STK33: variants seen among roughly 807,000 people sequenced by gnomAD.
STK33 encodes the protein serine/threonine kinase 33, also known as serine/threonine-protein kinase 33.
In STK33, 52 loss-of-function variants were observed where a neutral mutation model predicts 58.0. That is an observed-to-expected ratio of 0.90 (90% CI 0.72 to 1.13). The LOEUF (loss-of-function observed/expected upper bound fraction) is 1.13. STK33 is among the 50% of genes most tolerant of loss of function. The pLI, the probability that STK33 is intolerant of heterozygous loss-of-function variation, is 0.00. For missense variants in STK33, 630 were observed against 604.2 expected (o/e 1.04, Z -0.45); for synonymous variants, 215 against 200.1 (o/e 1.07, Z -0.63).
At chr11:8,401,993 T>G (rs1320068408) in intron 15 of STK33, among the ~76,000 whole-genome samples, 1 of 152,090 alleles carries the variant, frequency 6.6e-6, no homozygotes, top group Non-Finnish European at 1.5e-5. Flanking sequence ...TGTGGAGAAA[T>G]AGGAACACTT....
intron 8 of STK33, among the ~76,000 whole-genome samples, chr11:8,461,276 C>A (rs1947491746): frequency 1.3e-5 from 2 of 152,144 alleles, no homozygotes; most frequent in Admixed American, 1.3e-4. Flanking sequence ...GGCAAATAAT[C>A]CAGGCTTCTG....
intron 11 of STK33, among the ~76,000 whole-genome samples, chr11:8,444,462 G>A (rs1040281681): frequency 2.0e-5 from 3 of 152,012 alleles, no homozygotes; most frequent in Non-Finnish European, 4.4e-5. Context: ...TTTGTTCACT[G>A]TTGTATTTTT....
At chr11:8,565,769 C>G (rs372015897) in intron 1 of STK33, 16 of 152,324 alleles carry the variant, frequency 1.1e-4, no homozygotes, top group African/African-American at 3.6e-4. Flanking sequence ...TTAGATGCAC[C>G]TTGCTTACCT....
the STK33 span, among the ~76,000 whole-genome samples, chr11:8,373,352 G>A: frequency 6.6e-6 from 1 of 152,172 alleles, no homozygotes; most frequent in African/African-American, 2.4e-5. Context: ...TGCTGGGGGT[G>A]TGGAGCCCTC....
chr11:8,350,274 G>C, the STK33 span, among the ~76,000 whole-genome samples: 1 of 152,224 alleles, frequency 6.6e-6, no homozygotes, highest in African/African-American at 2.4e-5. Context: ...CAGACTCCCA[G>C]AGCAGGAGGC....
chr11:8,337,641 G>T, the STK33 span, among the ~76,000 whole-genome samples: 1 of 137,878 alleles, frequency 7.3e-6, no homozygotes, highest in African/African-American at 2.8e-5. Flanking sequence ...ACGACGGCGG[G>T]GGGCGGGGGG....
chr11:8,349,695 C>T, the STK33 span, among the ~76,000 whole-genome samples: 2 of 152,332 alleles, frequency 1.3e-5, no homozygotes, highest in Admixed American at 6.5e-5. Context: ...AGCTCCCTTG[C>T]CCCCAGTCGG....
At chr11:8,447,140 C>T (rs941993443) in intron 11 of STK33, among the ~76,000 whole-genome samples, 3 of 151,650 alleles carry the variant, frequency 2.0e-5, no homozygotes, top group East Asian at 1.9e-4. Flanking sequence ...CCCATCAAAA[C>T]GTGGGCAAAG....
intron 1 of STK33, among the ~76,000 whole-genome samples, chr11:8,555,574 A>G (rs1433843664): frequency 3.3e-5 from 5 of 152,096 alleles, no homozygotes; most frequent in Non-Finnish European, 7.4e-5. Flanking sequence ...CTGAGGTGAG[A>G]GAATCACTTG....
intron 1 of STK33, among the ~76,000 whole-genome samples, chr11:8,491,277 G>A (rs569508965): frequency 4.5e-4 from 69 of 152,234 alleles, no homozygotes; most frequent in African/African-American, 1.5e-3. Context: ...AAACCATGGC[G>A]CAAGAACTAC....
chr11:8,423,089 G>A (rs1275783107), intron 14 of STK33, among the ~76,000 whole-genome samples: 1 of 151,332 alleles, frequency 6.6e-6, no homozygotes, highest in African/African-American at 2.4e-5. Flanking sequence ...CAATCCACCC[G>A]CCTTGGCCTC....
At chr11:8,510,038 T>G (rs921556074) in intron 1 of STK33, among the ~76,000 whole-genome samples, 9 of 152,238 alleles carry the variant, frequency 5.9e-5, no homozygotes, top group Admixed American at 5.9e-4. Context: ...GATTGCCAGA[T>G]CAAATGGTAG....
At chr11:8,497,130 T>C (rs1254470547) in intron 1 of STK33, among the ~76,000 whole-genome samples, 1 of 151,974 alleles carries the variant, frequency 6.6e-6, no homozygotes, top group Non-Finnish European at 1.5e-5. Flanking sequence ...CATCAATGTA[T>C]CAACATATGC....
intron 1 of STK33, among the ~76,000 whole-genome samples, chr11:8,593,508 A>T (rs1377692173): frequency 2.6e-5 from 4 of 152,168 alleles, no homozygotes; most frequent in South Asian, 4.1e-4. Flanking sequence ...GAGAAATTAT[A>T]ATCTACATTT....
intron 6 of STK33, among the ~76,000 whole-genome samples, chr11:8,470,217 G>A (rs1948641262): frequency 1.3e-5 from 2 of 152,190 alleles, no homozygotes; most frequent in Non-Finnish European, 2.9e-5. Context: ...AGATCTTCTG[G>A]ATAACTTGCT....
At chr11:8,573,205 G>A (rs986788686) in intron 1 of STK33, among the ~76,000 whole-genome samples, 2 of 152,054 alleles carry the variant, frequency 1.3e-5, no homozygotes, top group Non-Finnish European at 2.9e-5. Context: ...ATCTGACAAA[G>A]AATTTGTATC....
chr11:8,497,524 T>C (rs887292754), intron 1 of STK33, among the ~76,000 whole-genome samples: 1 of 152,138 alleles, frequency 6.6e-6, no homozygotes, highest in South Asian at 2.1e-4. Context: ...GGCTGGAGTG[T>C]AGTAGCATGA....
At chr11:8,394,206 T>G (rs944814066) in intron 15 of STK33, among the ~76,000 whole-genome samples, 1 of 152,222 alleles carries the variant, frequency 6.6e-6, no homozygotes, top group Admixed American at 6.5e-5. Flanking sequence ...AAACTCCTTA[T>G]GTTCAGTGAT....
At chr11:8,531,167 T>C (rs755712457) in intron 1 of STK33, among the ~76,000 whole-genome samples, 1 of 152,142 alleles carries the variant, frequency 6.6e-6, no homozygotes, top group Non-Finnish European at 1.5e-5. Flanking sequence ...AATCTAAAAA[T>C]TGATCTTTGA....
Sources: allele counts gnomAD v4.1 joint callset (sites outside exome capture counted in the v4.1 genomes callset), GRCh38; gene constraint gnomAD v4.1.1; transcripts MANE v1.5; gene names NCBI Gene and HGNC (gene_info 2026-07-23, HGNC 2026-07-21).